Variants in ACTR3 observed in about 807,000 individuals in gnomAD.
The protein encoded by ACTR3 is actin-related protein 3.
A neutral mutation model predicts 56.8 loss-of-function variants in ACTR3; 12 were observed. The observed-to-expected ratio is 0.21, with a 90% CI of 0.14 to 0.34. The LOEUF (loss-of-function observed/expected upper bound fraction) is 0.34. Among genes scored for constraint, ACTR3 ranks in the 10% least tolerant of loss-of-function variants. The pLI is 1.00. For missense variants in ACTR3, 282 were observed against 512.5 expected, an observed-to-expected ratio of 0.55 and a Z score of 4.34; for synonymous variants, 162 against 167.4, an observed-to-expected ratio of 0.97 and a Z score of 0.25.
intron 2 of ACTR3, among the ~76,000 whole-genome samples, chr2:113,914,282 G>A (rs532946714): frequency 6.6e-6 from 1 of 152,152 alleles, no homozygotes; most frequent in Admixed American, 6.5e-5. Context: ...TGTCATTTGT[G>A]TAGTAAGAAC....
chr2:113,931,305 A>T lies in ACTR3; in HGVS notation c.341A>T (p.Glu114Val). 6.5e-7 allele frequency: 1 copy of T among 1,541,630 alleles called. No individual in the cohort carries two copies. The highest frequency in any genetic ancestry group is 8.8e-7 in the Non-Finnish European group (1 of 1,138,138). Residue 114 changes from glutamate to valine, a missense_variant, in exon 5 of 12, where the codon GAA (glutamate) becomes GTA (valine). Transcript: ENST00000263238. ...EPEDHYFLLTEPPLNTPENRE... is the reference protein window; with the variant it reads ...EPEDHYFLLTVPPLNTPENRE... ...AAATGTTATTTATTTCAATAGACTG[A>T]ACCTCCATTGAATACTCCAGAAAAC...
chr2:113,944,584 T>TA (rs34378884), intron 8 of ACTR3, among the ~76,000 whole-genome samples: 26,120 of 57,822 alleles, frequency 0.45, 7,048 homozygotes, highest in Non-Finnish European at 0.54. Flanking sequence ...CCGTCTCTAC[T>TA]AAAAAAAAAA....
intron 2 of ACTR3, among the ~76,000 whole-genome samples, 177 bp from the exon 3 acceptor site, chr2:113,916,707 G>C (rs1473279250): frequency 6.6e-6 from 1 of 152,078 alleles, no homozygotes; most frequent in African/African-American, 2.4e-5. Context: ...TTGAGGTTTC[G>C]TTGTGTGAAA....
chr2:113,955,312 C>G (rs1233312523), intron 10 of ACTR3: 1 of 192,036 alleles, frequency 5.2e-6, no homozygotes, highest in East Asian at 1.2e-4. Context: ...CCCCAACCTC[C>G]CCTTCTTTTA....
intron 10 of ACTR3, chr2:113,952,122 T>G (rs1318156402): frequency 4.8e-5 from 14 of 289,108 alleles, no homozygotes; most frequent in Admixed American, 1.4e-4. Flanking sequence ...TATAGTAGAT[T>G]TCTTTGCATA....
At chr2:113,895,064 C>G (rs933113458) in intron 1 of ACTR3, among the ~76,000 whole-genome samples, 21 of 100,494 alleles carry the variant, frequency 2.1e-4, no homozygotes, top group African/African-American at 8.2e-4. Context: ...TAGGTTCCCC[C>G]CCCCCACCCC....
At chr2:113,912,446 T>C (rs10202134) in intron 1 of ACTR3, among the ~76,000 whole-genome samples, 26,631 of 152,122 alleles carry the variant, frequency 0.18, 4,167 homozygotes, top group African/African-American at 0.4. Flanking sequence ...ATGTTGTTAT[T>C]TTGTTAGAAG....
At chr2:113,917,870 T>C (rs1024415854) in intron 3 of ACTR3, among the ~76,000 whole-genome samples, 3 of 152,212 alleles carry the variant, frequency 2.0e-5, no homozygotes, top group African/African-American at 7.2e-5. Flanking sequence ...CACACAGTGC[T>C]CTGTGCATGT....
chr2:113,951,883 G>A (rs780095353), intron 10 of ACTR3, 38 bp downstream of exon 10: 1 of 1,606,304 alleles, frequency 6.2e-7, no homozygotes, highest in African/African-American at 1.3e-5. Context: ...GGTTGAGGGT[G>A]CCTTCCTTGA....
intron 1 of ACTR3, chr2:113,904,446 G>A (rs1469861180): frequency 1.3e-5 from 2 of 152,134 alleles, no homozygotes; most frequent in African/African-American, 4.8e-5. Context: ...TTCTTCCTAT[G>A]TGAAGTAATT....
chr2:113,898,403 T>A (rs181132424), intron 1 of ACTR3, among the ~76,000 whole-genome samples: 1 of 152,304 alleles, frequency 6.6e-6, no homozygotes, highest in Non-Finnish European at 1.5e-5. Flanking sequence ...TTGGGAGTGT[T>A]CCTAATTATT....
intron 1 of ACTR3, among the ~76,000 whole-genome samples, chr2:113,907,482 T>A (rs996211297): frequency 2.6e-5 from 4 of 152,100 alleles, no homozygotes. Flanking sequence ...TCACCTCTTG[T>A]CCTCAAGTGA....
At chr2:113,905,426 C>T (rs1435814954) in intron 1 of ACTR3, among the ~76,000 whole-genome samples, 4 of 147,864 alleles carry the variant, frequency 2.7e-5, no homozygotes, top group Non-Finnish European at 4.4e-5. Flanking sequence ...GATGGCGCCA[C>T]GGGACTCCAG....
At chr2:113,927,197 A>G (rs542509238) in intron 3 of ACTR3, 148 bp from the exon 4 acceptor site, 3 of 466,922 alleles carry the variant, frequency 6.4e-6, no homozygotes, top group Admixed American at 3.9e-5. Flanking sequence ...CCTTAAGTAC[A>G]CATCTTTTAA....
intron 3 of ACTR3, among the ~76,000 whole-genome samples, chr2:113,919,338 T>C (rs1679464612): frequency 6.6e-6 from 1 of 152,188 alleles, no homozygotes; most frequent in Non-Finnish European, 1.5e-5. Context: ...TTAAGTCTCT[T>C]TTTATCTATA....
intron 3 of ACTR3, among the ~76,000 whole-genome samples, chr2:113,921,742 G>T (rs1419032480): frequency 2.6e-5 from 4 of 152,198 alleles, no homozygotes; most frequent in Non-Finnish European, 4.4e-5. Context: ...AACACATTGT[G>T]TTTGAGGTAC....
chr2:113,948,545 C>T lies in ACTR3; in HGVS notation c.859-2934C>T, dbSNP rs144346610. Among the ~76,000 whole-genome samples the T allele has an allele frequency of 3.5e-3, 539 of 152,166 alleles. 1 individual carries two copies. The highest frequency in any genetic ancestry group is 6.2e-3 in the Non-Finnish European group (424 of 68,008). The stretch of plus-strand genomic sequence containing the variant: ...CATCACAGACAGGACCTTTCTATTC[C>T]CTTTTCATCTCATTTGTTACATTAT... On this transcript the variant is annotated intron_variant, in intron 8 of 11. Transcript: ENST00000263238.
chr2:113,955,771 G>A, intron 11 of ACTR3, 65 bp downstream of exon 11: 1 of 1,338,054 alleles, frequency 7.5e-7, no homozygotes, highest in South Asian at 1.3e-5. Flanking sequence ...TTTTGAGGTG[G>A]ACTTTCGCTC....
At chr2:113,949,771 C>A (rs1314470837) in intron 8 of ACTR3, among the ~76,000 whole-genome samples, 2 of 152,132 alleles carry the variant, frequency 1.3e-5, no homozygotes, top group East Asian at 3.9e-4. Context: ...CTATGTTGCC[C>A]AGGCTGGTGT....
Sources: gnomAD v4.1 joint callset for allele counts (sites outside exome capture counted in the v4.1 genomes callset) on GRCh38, gnomAD v4.1.1 for gene constraint, MANE v1.5 for transcripts, NCBI Gene and HGNC (gene_info 2026-07-23, HGNC 2026-07-21) for gene names.